The following GRHL2 variants were observed in gnomAD, a reference collection of about 807,000 sequenced individuals.
GRHL2 encodes grainyhead-like protein 2 homolog.
Under a neutral mutation model 83.8 loss-of-function variants are expected in GRHL2, and 21 were observed. The observed-to-expected ratio is 0.25, with a 90% CI of 0.18 to 0.36. GRHL2 has a LOEUF of 0.36. GRHL2 is among the 10% of genes least tolerant of loss of function. The probability of loss-of-function intolerance (pLI) is 1.00; values close to 1 mark genes in which losing one functional copy is unlikely to be tolerated. For missense variants in GRHL2, 623 were observed against 781.8 expected (o/e 0.80, Z 2.42); for synonymous variants, 280 against 278.9 (o/e 1.00, Z -0.04).
intron 1 of GRHL2, among the ~76,000 whole-genome samples, chr8:101,521,855 A>G (rs1810692357): frequency 6.6e-6 from 1 of 152,202 alleles, no homozygotes; most frequent in South Asian, 2.1e-4. Flanking sequence ...TGAACTAATC[A>G]GTTCGTAGAT....
downstream of GRHL2, among the ~76,000 whole-genome samples, chr8:101,673,195 A>C (rs1814236898): frequency 6.6e-6 from 1 of 152,138 alleles, no homozygotes; most frequent in Non-Finnish European, 1.5e-5. Context: ...TCAAATTCAC[A>C]CATAACAATA....
downstream of GRHL2, among the ~76,000 whole-genome samples, chr8:101,673,045 T>C (rs1182282945): frequency 9.3e-5 from 14 of 150,008 alleles, no homozygotes; most frequent in Non-Finnish European, 1.9e-4. Context: ...AAAGAGCTCC[T>C]GAAGGAAGCG....
intron 1 of GRHL2, among the ~76,000 whole-genome samples, chr8:101,523,663 A>G (rs1810742674): frequency 6.6e-6 from 1 of 151,842 alleles, no homozygotes; most frequent in Non-Finnish European, 1.5e-5. Flanking sequence ...TATTATTTGT[A>G]AAGATGGGTT....
Position 101,631,677 on chromosome 8 carries a change from A to G in GRHL2, c.1298A>G (p.Asn433Ser), listed in dbSNP as rs1288367085. The G allele has an allele frequency of 1.2e-6, 2 of 1,613,778 alleles. No homozygotes were observed. Among genetic ancestry groups the G allele is most frequent in the Non-Finnish European group, 1.7e-6 (2 of 1,179,758 alleles). ...ATCCGAGATGAAGAGCGGAAGCAGA[A>G]CAGGAAGAAAGGGAAAGGCCAGGCC... is the stretch of plus-strand genomic sequence containing the variant. ...RKIRDEERKQ[N>S]RKKGKGQASQ... Residue 433 changes from asparagine (N) to serine (S), a missense_variant, in exon 10 of 16, where the codon AAC becomes AGC. Around this residue, in one of 8 missense-constraint regions of GRHL2, gnomAD observed 210 missense variants for 254.8 expected, o/e 0.82. Transcript: ENST00000646743.
chr8:101,601,193 A>ACC (rs1586134515), intron 8 of GRHL2, among the ~76,000 whole-genome samples: 1 of 147,606 alleles, frequency 6.8e-6, no homozygotes, highest in East Asian at 2.2e-4. Context: ...CACACACCCC[A>ACC]CCACCACCAC....
intron 6 of GRHL2, among the ~76,000 whole-genome samples, chr8:101,577,085 TG>T (rs541421393): frequency 4.0e-5 from 6 of 151,642 alleles, no homozygotes; most frequent in South Asian, 4.2e-4. Context: ...AAAAAAAATT[TG>T]GGGGGGGTTT....
chr8:101,546,812 T>C (rs1329365569), intron 2 of GRHL2, among the ~76,000 whole-genome samples: 1 of 152,226 alleles, frequency 6.6e-6, no homozygotes, highest in Non-Finnish European at 1.5e-5. Context: ...CTAGTAAATA[T>C]GGTACCCAGA....
chr8:101,629,595 T>C (rs532709197), intron 9 of GRHL2, among the ~76,000 whole-genome samples: 1 of 152,112 alleles, frequency 6.6e-6, no homozygotes, highest in African/African-American at 2.4e-5. Context: ...ATCAAATTCC[T>C]TGACCCAACT....
At position 101,655,193 on chromosome 8, in the gene GRHL2, AAAAAG is replaced by A. The variant is rs1157231566; in HGVS notation, c.1698+5697_1698+5701del. 1.4e-3 allele frequency among the ~76,000 whole-genome samples: 210 copies of A among 152,224 alleles called. 1 individual carries two copies. The highest frequency in any genetic ancestry group is 4.8e-3 in the African/African-American group (201 of 41,542). On this transcript the variant is annotated intron_variant, in intron 14 of 15. Transcript: ENST00000646743. ...GCGAAACTCCAATCCTAAAAAAAAA[AAAAAG>A]AAGAAGGAAGTCTCCCTGTAAGAGT...
intron 7 of GRHL2, among the ~76,000 whole-genome samples, chr8:101,595,032 G>C (rs887875925): frequency 2.0e-5 from 3 of 152,130 alleles, no homozygotes; most frequent in African/African-American, 7.2e-5. Context: ...TAATCGTCTT[G>C]TTCATTTATT....
chr8:101,595,829 C>G (rs1051571137), intron 7 of GRHL2, among the ~76,000 whole-genome samples: 1 of 151,700 alleles, frequency 6.6e-6, no homozygotes, highest in African/African-American at 2.4e-5. Context: ...ATTTTTAAAA[C>G]AAAGAAAAGG....
intron 14 of GRHL2, among the ~76,000 whole-genome samples, chr8:101,661,094 C>A (rs1813909989): frequency 6.6e-6 from 1 of 152,202 alleles, no homozygotes; most frequent in Non-Finnish European, 1.5e-5. Context: ...TATGGCCCAA[C>A]ACAAATTCGT....
intron 1 of GRHL2, among the ~76,000 whole-genome samples, chr8:101,531,997 T>C (rs2130084661): frequency 6.6e-6 from 1 of 152,382 alleles, no homozygotes; most frequent in East Asian, 1.9e-4. Flanking sequence ...ACTGAATTAA[T>C]TGAATCTTCT....
intron 14 of GRHL2, among the ~76,000 whole-genome samples, chr8:101,652,330 G>T (rs1469427240): frequency 9.8e-6 from 1 of 101,632 alleles, no homozygotes; most frequent in African/African-American, 5.7e-5. Flanking sequence ...GTGTGTGTGT[G>T]GTGTGTGTGT....
intron 7 of GRHL2, among the ~76,000 whole-genome samples, chr8:101,591,043 A>C (rs1812270005): frequency 6.6e-6 from 1 of 152,244 alleles, no homozygotes; most frequent in African/African-American, 2.4e-5. Context: ...CCAGAATCAC[A>C]CTTGCCCCTA....
At chr8:101,554,007 T>A (rs1811441394) in intron 3 of GRHL2, among the ~76,000 whole-genome samples, 1 of 152,194 alleles carries the variant, frequency 6.6e-6, no homozygotes, top group Non-Finnish European at 1.5e-5. Context: ...ATAGTGTTTT[T>A]CTATTGGAGG....
intron 1 of GRHL2, among the ~76,000 whole-genome samples, chr8:101,519,854 T>C (rs1810648137): frequency 1.3e-5 from 2 of 152,168 alleles, no homozygotes; most frequent in Non-Finnish European, 2.9e-5. Context: ...ATGAGAATAT[T>C]TTAAAATCCA....
intron 1 of GRHL2, among the ~76,000 whole-genome samples, chr8:101,526,572 G>T (rs1586420977): frequency 9.5e-6 from 1 of 105,122 alleles, no homozygotes; most frequent in African/African-American, 3.6e-5. Context: ...TTTTACCATT[G>T]GCAACAAATA....
chr8:101,596,616 T>C (rs1002765498), intron 7 of GRHL2, among the ~76,000 whole-genome samples: 1 of 152,168 alleles, frequency 6.6e-6, no homozygotes, highest in African/African-American at 2.4e-5. Flanking sequence ...TTTATTGACA[T>C]GGGAAGATGC....
Sources: allele counts gnomAD v4.1 joint callset (sites outside exome capture counted in the v4.1 genomes callset), GRCh38; gene constraint gnomAD v4.1.1; regional missense constraint gnomAD v4.1.1; transcripts MANE v1.5; gene names NCBI Gene and HGNC (gene_info 2026-07-23, HGNC 2026-07-21).